The following TMEM135 variants were observed in gnomAD, a reference collection of about 807,000 sequenced individuals.
The protein encoded by TMEM135 is transmembrane protein 135.
TMEM135 carries 30 observed loss-of-function variants against 60.3 expected under a neutral mutation model. That is an observed-to-expected ratio of 0.50 (90% CI 0.37 to 0.68). The LOEUF is 0.68. TMEM135 is among the 30% of genes least tolerant of loss of function. The pLI is 0.00. For synonymous variants in TMEM135, 190 were observed against 186.7 expected, an observed-to-expected ratio of 1.02 and a Z score of -0.14; for missense variants, 468 against 548.8, an observed-to-expected ratio of 0.85 and a Z score of 1.47.
At chr11:87,292,849 A>C (rs575562749) in intron 6 of TMEM135, among the ~76,000 whole-genome samples, 3 of 152,262 alleles carry the variant, frequency 2.0e-5, no homozygotes, top group African/African-American at 7.2e-5. Context: ...TGAAATTGCA[A>C]ATTCATTTGT....
chr11:87,102,135 G>A (rs562094864), intron 4 of TMEM135, among the ~76,000 whole-genome samples: 1 of 152,162 alleles, frequency 6.6e-6, no homozygotes, highest in Non-Finnish European at 1.5e-5. Flanking sequence ...TGTCTACCTG[G>A]AGATAGCATC....
intron 6 of TMEM135, among the ~76,000 whole-genome samples, chr11:87,262,129 A>G (rs932950826): frequency 1.3e-5 from 2 of 151,894 alleles, no homozygotes; most frequent in Non-Finnish European, 2.9e-5. Context: ...AGACATTTAC[A>G]CTATTTGCAG....
At chr11:87,141,745 C>CAT in intron 4 of TMEM135, among the ~76,000 whole-genome samples, 1 of 151,838 alleles carries the variant, frequency 6.6e-6, no homozygotes, top group Non-Finnish European at 1.5e-5. Context: ...GCAGTGTCTA[C>CAT]CCTGCAGACA....
chr11:87,104,873 G>A (rs781552839), intron 4 of TMEM135, among the ~76,000 whole-genome samples: 13 of 152,126 alleles, frequency 8.5e-5, no homozygotes, highest in Non-Finnish European at 2.9e-5. Flanking sequence ...AACAGAGATT[G>A]TTTTACTTCT....
rs139546975 is a variant in TMEM135 at position 87,302,347 on chromosome 11, A to G, written c.603A>G (p.Ala201=). The G allele has an allele frequency of 6.8e-6, 11 of 1,613,718 alleles. No individual in the cohort carries two copies. The highest frequency in any genetic ancestry group is 9.3e-6 in the Non-Finnish European group (11 of 1,179,892). Residue 201 remains alanine (A), a synonymous_variant, in exon 8 of 15, where the codon GCA becomes GCG. Transcript: ENST00000305494. ...EIPTHSFSPE[A]AYAKVEQKRE... ...CCACACATTCTTTTTCACCAGAGGC[A>G]GCATATGCAAAAGTGGAACAAAAGA... is the stretch of plus-strand genomic sequence containing the variant.
chr11:87,059,307 CTT>C (rs774797136), intron 1 of TMEM135, among the ~76,000 whole-genome samples: 20 of 134,542 alleles, frequency 1.5e-4, no homozygotes, highest in Admixed American at 3.0e-4. Context: ...GTTTGAAGTT[CTT>C]TTTTTTTTTT....
chr11:87,091,645 C>T (rs1314785688), intron 4 of TMEM135, among the ~76,000 whole-genome samples: 3 of 152,024 alleles, frequency 2.0e-5, no homozygotes, highest in African/African-American at 7.2e-5. Context: ...TTTAAGTTTA[C>T]GTCTTCATCT....
At chr11:87,297,841 C>T (rs1016317320) in intron 7 of TMEM135, among the ~76,000 whole-genome samples, 8 of 152,148 alleles carry the variant, frequency 5.3e-5, no homozygotes, top group East Asian at 1.9e-4. Flanking sequence ...AATTCAGTTT[C>T]GTAATCAATC....
intron 2 of TMEM135, among the ~76,000 whole-genome samples, chr11:87,070,415 C>T (rs1161038393): frequency 2.0e-5 from 3 of 151,936 alleles, no homozygotes; most frequent in Non-Finnish European, 4.4e-5. Context: ...GGGGCCGAGG[C>T]AGATGGATCA....
chr11:87,312,063 C>T (rs1417397683), intron 10 of TMEM135, among the ~76,000 whole-genome samples: 1 of 151,508 alleles, frequency 6.6e-6, no homozygotes, highest in Admixed American at 6.6e-5. Flanking sequence ...CATGTTTATA[C>T]TGTTTACATA....
chr11:87,100,497 T>C (rs1014114037), intron 4 of TMEM135, among the ~76,000 whole-genome samples: 6 of 152,230 alleles, frequency 3.9e-5, no homozygotes, highest in Non-Finnish European at 7.3e-5. Context: ...ATTGTTGGCT[T>C]ATAACATCCA....
chr11:87,123,087 G>A (rs553063099), intron 4 of TMEM135, among the ~76,000 whole-genome samples: 5 of 152,260 alleles, frequency 3.3e-5, no homozygotes, highest in African/African-American at 1.2e-4. Context: ...CTGAAATTTG[G>A]TATCATATTA....
chr11:87,278,023 C>T (rs1030288644), intron 6 of TMEM135, among the ~76,000 whole-genome samples: 2 of 152,112 alleles, frequency 1.3e-5, no homozygotes, highest in Non-Finnish European at 2.9e-5. Flanking sequence ...TCTGTGATTT[C>T]CTATTGCCTT....
chr11:87,256,109 G>T (rs1373985581), intron 6 of TMEM135, among the ~76,000 whole-genome samples: 3 of 152,104 alleles, frequency 2.0e-5, no homozygotes, highest in Non-Finnish European at 4.4e-5. Flanking sequence ...ACCTTTTAAT[G>T]GATGTCTTTT....
intron 1 of TMEM135, among the ~76,000 whole-genome samples, chr11:87,038,609 C>CTTTTTTTTTTTTTTT (rs3045930): frequency 8.8e-6 from 1 of 113,932 alleles, no homozygotes. Flanking sequence ...TTTTATTTTG[C>CTTTTTTTTTTTTTTT]TTTTTTTTTT....
At chr11:87,069,682 A>G (rs1856738633) in intron 2 of TMEM135, among the ~76,000 whole-genome samples, 3 of 152,206 alleles carry the variant, frequency 2.0e-5, no homozygotes, top group African/African-American at 7.2e-5. Flanking sequence ...ATTTAAGGTA[A>G]CATTCATGTT....
intron 3 of TMEM135, among the ~76,000 whole-genome samples, chr11:87,073,465 T>A (rs1435758701): frequency 6.6e-6 from 1 of 152,210 alleles, no homozygotes; most frequent in Non-Finnish European, 1.5e-5. Flanking sequence ...AAAGGATTGG[T>A]GAATGTTATA....
Position 87,324,631 on chromosome 11 carries a change from A to G in TMEM135, c.*3298A>G, listed in dbSNP as rs902683857. The stretch of plus-strand genomic sequence containing the variant: ...TTTTTTGTAGAAACAAGGTGTTGCT[A>G]TGTTGTCCAGGCTGGTCTTAAACTC... On this transcript the variant is annotated 3_prime_UTR_variant, in exon 15 of 15. Coordinates refer to ENST00000305494, the MANE Select transcript of TMEM135 (RefSeq NM_022918.4). 2 of 444,260 alleles carry G rather than the reference A, an allele frequency of 4.5e-6. No homozygotes were observed. Among genetic ancestry groups the G allele is most frequent in the African/African-American group, 4.1e-5 (2 of 48,972 alleles). 27.5% of individuals were successfully genotyped at this position (444,260 alleles called of 1,614,324 possible).
chr11:87,075,560 G>A (rs1856854719), intron 3 of TMEM135, among the ~76,000 whole-genome samples: 1 of 152,206 alleles, frequency 6.6e-6, no homozygotes, highest in African/African-American at 2.4e-5. Flanking sequence ...AAACTGTTGG[G>A]ATTACAGATG....
Sources: allele counts gnomAD v4.1 joint callset (sites outside exome capture counted in the v4.1 genomes callset), GRCh38; gene constraint gnomAD v4.1.1; transcripts MANE v1.5; gene names NCBI Gene and HGNC (gene_info 2026-07-23, HGNC 2026-07-21).